CBLIF: variants seen among roughly 807,000 people sequenced by gnomAD.
CBLIF encodes the protein cobalamin binding intrinsic factor.
In CBLIF, 24 loss-of-function variants were observed where a neutral mutation model predicts 44.9. That is an observed-to-expected ratio of 0.53 (90% confidence interval 0.39 to 0.75). The LOEUF is 0.75. CBLIF is among the 30% of genes least tolerant of loss of function. CBLIF has a pLI of 0.00. For synonymous variants in CBLIF, 183 were observed against 190.9 expected, an observed-to-expected ratio of 0.96 and a Z score of 0.34; for missense variants, 481 against 513.0, an observed-to-expected ratio of 0.94 and a Z score of 0.60.
chr11:59,830,648 A>G (rs1385091920), intron 8 of CBLIF, among the ~76,000 whole-genome samples: 1 of 152,158 alleles, frequency 6.6e-6, no homozygotes, highest in Non-Finnish European at 1.5e-5. Flanking sequence ...AACTAATAAT[A>G]ATAATGATGA....
intron 5 of CBLIF, among the ~76,000 whole-genome samples, chr11:59,838,050 C>T (rs150406167): frequency 7.9e-5 from 12 of 152,070 alleles, no homozygotes; most frequent in South Asian, 2.1e-4. Flanking sequence ...CAGGGCTGGA[C>T]GATGAAAAAA....
At chr11:59,843,599 C>T (rs1441861733) in intron 2 of CBLIF, among the ~76,000 whole-genome samples, 1 of 152,136 alleles carries the variant, frequency 6.6e-6, no homozygotes, top group Non-Finnish European at 1.5e-5. Context: ...AGTGACTTGT[C>T]TCAGATCCCA....
intron 4 of CBLIF, 35 bp from the exon 5 acceptor site, chr11:59,841,359 C>A: frequency 6.9e-7 from 1 of 1,443,098 alleles, no homozygotes; most frequent in South Asian, 1.1e-5. Flanking sequence ...TCACCATAGT[C>A]ACCATCACAG....
intron 7 of CBLIF, among the ~76,000 whole-genome samples, chr11:59,834,262 T>TTC (rs1279511529): frequency 8.5e-6 from 1 of 117,932 alleles, no homozygotes; most frequent in Non-Finnish European, 1.8e-5. Flanking sequence ...CTTTCTTTCT[T>TTC]TCTTTCTTTC....
chr11:59,836,502 G>A lies in CBLIF; in HGVS notation c.872-493C>T, dbSNP rs1047375798. ...TATTTCTGTAATGTTTGAATTTTTAGTGTCTTTCAATTATATGCATAATTG... is the reference window on the plus strand; with the variant it reads ...TATTTCTGTAATGTTTGAATTTTTAATGTCTTTCAATTATATGCATAATTG... On this transcript the variant is annotated intron_variant, in intron 6 of 8. Coordinates refer to ENST00000257248, the MANE Select transcript of CBLIF (RefSeq NM_005142.3). Among the ~76,000 whole-genome samples the A allele has an allele frequency of 2.6e-4, 39 of 152,092 alleles. 1 individual carries two copies. The highest frequency in any genetic ancestry group is 8.0e-4 in the African/African-American group (33 of 41,406).
chr11:59,845,493 G>T lies in CBLIF; in HGVS notation c.-40C>A, dbSNP rs1320541838. Reference sequence around the variant, plus strand: ...TATGTCTCTCATCCACAGGTACCGCGATTTGCAAGTGGAATATTTCTTTAC... The same window carrying T: ...TATGTCTCTCATCCACAGGTACCGCTATTTGCAAGTGGAATATTTCTTTAC... On this transcript the variant is annotated 5_prime_UTR_variant, in exon 1 of 9. Coordinates refer to ENST00000257248, the MANE Select transcript of CBLIF (RefSeq NM_005142.3). The T allele has an allele frequency of 1.6e-6, 2 of 1,265,508 alleles. No homozygotes were observed. The highest frequency in any genetic ancestry group is 1.2e-5 in the South Asian group (1 of 84,158). The allele number at this position is 1,265,508 out of a possible 1,614,324, so 78.4% of individuals were successfully genotyped here.
At chr11:59,836,227 G>A (rs556614224) in intron 6 of CBLIF, among the ~76,000 whole-genome samples, 4 of 152,260 alleles carry the variant, frequency 2.6e-5, no homozygotes, top group South Asian at 4.1e-4. Context: ...CAGCCTAAGG[G>A]GTTGAGTGAA....
chr11:59,839,328 A>G (rs1866494150), intron 5 of CBLIF, among the ~76,000 whole-genome samples: 1 of 152,256 alleles, frequency 6.6e-6, no homozygotes, highest in African/African-American at 2.4e-5. Flanking sequence ...AGGTGAACAA[A>G]GGCTGAAAAG....
At chr11:59,832,152 G>A (rs1322350575) in intron 7 of CBLIF, among the ~76,000 whole-genome samples, 3 of 152,184 alleles carry the variant, frequency 2.0e-5, no homozygotes, top group African/African-American at 4.8e-5. Flanking sequence ...TTGATTCCAT[G>A]TCTTTGCTAT....
At chr11:59,836,486 A>C (rs1229667662) in intron 6 of CBLIF, among the ~76,000 whole-genome samples, 1 of 152,212 alleles carries the variant, frequency 6.6e-6, no homozygotes, top group Non-Finnish European at 1.5e-5. Flanking sequence ...ATATTTCTGT[A>C]ATGTTTGAAT....
chr11:59,834,295 T>TCTTCCTTCCTTC (rs1565207489), intron 7 of CBLIF, among the ~76,000 whole-genome samples: 1 of 133,788 alleles, frequency 7.5e-6, no homozygotes, highest in African/African-American at 3.0e-5. Flanking sequence ...TTTCTTTCTT[T>TCTTCCTTCCTTC]CTTTCTTTCT....
intron 1 of CBLIF, among the ~76,000 whole-genome samples, chr11:59,844,348 G>A (rs1348684270): frequency 6.6e-6 from 1 of 152,188 alleles, no homozygotes; most frequent in African/African-American, 2.4e-5. Context: ...ATGTTGGCCA[G>A]GGTAGTCTCG....
chr11:59,843,553 C>T (rs75883917), intron 2 of CBLIF, among the ~76,000 whole-genome samples: 3,744 of 152,232 alleles, frequency 0.025, 127 homozygotes, highest in African/African-American at 0.075. Context: ...GTTATTGTTA[C>T]TACAATCATC....
chr11:59,841,731 G>A (rs1866532012), intron 4 of CBLIF, among the ~76,000 whole-genome samples: 1 of 152,194 alleles, frequency 6.6e-6, no homozygotes, highest in African/African-American at 2.4e-5. Context: ...ACTGAAACAA[G>A]AGAGGTTGCT....
chr11:59,837,740 G>T (rs1866474031), intron 5 of CBLIF, among the ~76,000 whole-genome samples: 1 of 152,110 alleles, frequency 6.6e-6, no homozygotes, highest in African/African-American at 2.4e-5. Flanking sequence ...CTCTTTGATG[G>T]ACTTTTCCCT....
intron 8 of CBLIF, 122 bp downstream of exon 8, chr11:59,831,556 A>G (rs562427333): frequency 6.1e-6 from 4 of 651,750 alleles, no homozygotes; most frequent in African/African-American, 3.7e-5. Flanking sequence ...GAATTATTGT[A>G]TATACACATG....
rs1287347436 is a variant in CBLIF, at chr11:59,842,469, A to T, written c.485T>A (p.Leu162Gln). Residue 162 changes from leucine to glutamine, a missense_variant, in exon 4 of 9, where the codon CTG becomes CAG. Physicochemically the swap from Leu to Gln is moderately radical, Grantham distance 113. Coordinates refer to ENST00000257248, the MANE Select transcript of CBLIF (RefSeq NM_005142.3). ...PIAVRFAKTL[L>Q]ANSSPFNVDT... ...TACATTGAAGGGAGAGGAGTTGGCC[A>T]GCAGGGTCTTGGCAAAGCGGACGGC... 6.2e-7 allele frequency: 1 copy of T among 1,613,852 alleles called. No homozygotes were observed.
intron 4 of CBLIF, 47 bp downstream of exon 4, chr11:59,842,396 A>T (rs1484804201): frequency 6.2e-7 from 1 of 1,605,888 alleles, no homozygotes; most frequent in Non-Finnish European, 8.5e-7. Flanking sequence ...CATTCAGTTC[A>T]CGATGCCTCT....
In CBLIF at chr11:59,844,140, T is replaced by C. The variant is rs1415655270; in HGVS notation, c.80-85A>G. 2.6e-6 allele frequency: 3 copies of C among 1,140,826 alleles called. No individual in the cohort carries two copies. In the African/African-American group the frequency reaches 4.6e-5, roughly 17 times the overall value. The allele number at this position is 1,140,826 out of a possible 1,614,324, so 70.7% of individuals were successfully genotyped here. A position where few individuals can be genotyped will look rare whatever the true frequency, so the allele number is the denominator to read the frequency against. On this transcript the variant is annotated intron_variant, in intron 1 of 8. Coordinates refer to ENST00000257248, the MANE Select transcript of CBLIF (RefSeq NM_005142.3). Reference sequence around the variant, plus strand: ...TCCCCGTGTCTTTGATGCTTTTTCTTTCTTTCTTTTTTTTTTGAGACAGTG... The same window carrying C: ...TCCCCGTGTCTTTGATGCTTTTTCTCTCTTTCTTTTTTTTTTGAGACAGTG...
Sources: allele counts gnomAD v4.1 joint callset (sites outside exome capture counted in the v4.1 genomes callset), GRCh38; gene constraint gnomAD v4.1.1; transcripts MANE v1.5; gene names NCBI Gene and HGNC (gene_info 2026-07-23, HGNC 2026-07-21).